Variants in SLCO1C1 observed in about 807,000 individuals in gnomAD.
The protein encoded by SLCO1C1 is OAT-RP-5.
A neutral mutation model predicts 76.4 loss-of-function variants in SLCO1C1; 70 were observed. The ratio of observed to expected loss-of-function variants is 0.92; its 90% CI spans 0.76 to 1.12. SLCO1C1 has a LOEUF of 1.12. Ranked by LOEUF, SLCO1C1 falls within the 50% of genes most tolerant of loss-of-function variation. The pLI is 0.00. For missense variants in SLCO1C1, 912 were observed against 823.8 expected (o/e 1.11, Z -1.31); for synonymous variants, 306 against 286.1 (o/e 1.07, Z -0.70).
At chr12:20,731,035 C>G in intron 9 of SLCO1C1, among the ~76,000 whole-genome samples, 1 of 152,122 alleles carries the variant, frequency 6.6e-6, no homozygotes. Flanking sequence ...TTGCCCCCAC[C>G]CCGGAGATGG....
chr12:20,717,936 A>G (rs1947466024), intron 7 of SLCO1C1, among the ~76,000 whole-genome samples: 1 of 151,994 alleles, frequency 6.6e-6, no homozygotes, highest in South Asian at 2.1e-4. Context: ...CTTAAACAAC[A>G]AACATGGAAT....
intron 10 of SLCO1C1, among the ~76,000 whole-genome samples, chr12:20,735,414 G>T (rs926129332): frequency 4.6e-5 from 7 of 152,288 alleles, no homozygotes; most frequent in Admixed American, 1.3e-4. Context: ...GATCTGCCAA[G>T]TAAGAGGTTG....
intron 5 of SLCO1C1, among the ~76,000 whole-genome samples, chr12:20,712,640 A>G (rs1342590582): frequency 6.6e-6 from 1 of 152,148 alleles, no homozygotes; most frequent in African/African-American, 2.4e-5. Context: ...AAATTAATAT[A>G]TACCTGCCAT....
intron 7 of SLCO1C1, among the ~76,000 whole-genome samples, chr12:20,718,025 A>G (rs1490635436): frequency 1.3e-5 from 2 of 152,188 alleles, no homozygotes; most frequent in Non-Finnish European, 2.9e-5. Context: ...TGAAGCTTCA[A>G]AAATGTTATT....
chr12:20,716,762 T>C (rs1947376775), intron 6 of SLCO1C1, among the ~76,000 whole-genome samples: 1 of 152,226 alleles, frequency 6.6e-6, no homozygotes, highest in Non-Finnish European at 1.5e-5. Context: ...ACAAGTCTTA[T>C]GCTTAACTGA....
intron 6 of SLCO1C1, among the ~76,000 whole-genome samples, chr12:20,716,439 T>C (rs1947363266): frequency 6.6e-6 from 1 of 152,146 alleles, no homozygotes. Context: ...TAACTTAATC[T>C]CCCATGAATA....
intron 5 of SLCO1C1, among the ~76,000 whole-genome samples, chr12:20,713,290 A>G (rs1947217613): frequency 6.6e-6 from 1 of 151,942 alleles, no homozygotes; most frequent in East Asian, 1.9e-4. Flanking sequence ...CTTGTTAGCC[A>G]GGATGGTCTC....
chr12:20,743,290 T>A lies in SLCO1C1; in HGVS notation c.1734-15T>A. ...GATTATATATTTCTTGTAATGGTGC[T>A]TTTGTTGATTTTAGGTGCATTAAGC... On this transcript the variant is annotated splice_polypyrimidine_tract_variant and intron_variant, in intron 12 of 14. Coordinates refer to ENST00000266509, the MANE Select transcript of SLCO1C1 (RefSeq NM_017435.5). 1 of 1,610,738 alleles carries A rather than the reference T, an allele frequency of 6.2e-7. No homozygotes were observed. Among genetic ancestry groups the A allele is most frequent in the Non-Finnish European group, 8.5e-7 (1 of 1,177,844 alleles).
intron 3 of SLCO1C1, among the ~76,000 whole-genome samples, chr12:20,703,955 C>T (rs201387734): frequency 7.1e-6 from 1 of 140,272 alleles, no homozygotes; most frequent in Non-Finnish European, 1.6e-5. Flanking sequence ...TCGAGTGTGT[C>T]TGTGTGTGTG....
At chr12:20,712,231 T>C (rs1241081834) in intron 5 of SLCO1C1, among the ~76,000 whole-genome samples, 1 of 152,182 alleles carries the variant, frequency 6.6e-6, no homozygotes, top group Non-Finnish European at 1.5e-5. Flanking sequence ...TGTCTAGTGT[T>C]CTAGATGGCT....
At chr12:20,747,298 C>T (rs1949091292) in intron 13 of SLCO1C1, among the ~76,000 whole-genome samples, 3 of 151,984 alleles carry the variant, frequency 2.0e-5, no homozygotes, top group Admixed American at 6.6e-5. Context: ...CATGGTGGTG[C>T]ATGCTTGTGG....
chr12:20,749,251 A>C (rs1270012505), intron 13 of SLCO1C1, among the ~76,000 whole-genome samples: 3 of 152,248 alleles, frequency 2.0e-5, no homozygotes, highest in Admixed American at 2.0e-4. Context: ...ATTTTATAAC[A>C]GAAGAAAACA....
chr12:20,723,147 G>A lies in SLCO1C1; in HGVS notation c.1079G>A (p.Cys360Tyr). The A allele has an allele frequency of 1.2e-6, 2 of 1,613,506 alleles. No homozygotes were observed. The highest frequency in any genetic ancestry group is 8.5e-7 in the Non-Finnish European group (1 of 1,179,800). Residue 360 changes from cysteine (C) to tyrosine (Y), a missense_variant, in exon 9 of 15, where the codon TGT (cysteine) becomes TAT (tyrosine). By Grantham distance (194) the Cys-to-Tyr change is radical. Coordinates refer to ENST00000266509, the MANE Select transcript of SLCO1C1 (RefSeq NM_017435.5). ...AACCCAGTATACTTCCTATATTTAT[G>A]TACAAGCACTGTTCAGTTCAATTCT... is the stretch of plus-strand genomic sequence containing the variant. ...FGNPVYFLYL[C>Y]TSTVQFNSLF...
At chr12:20,707,770 T>G (rs1190706478) in intron 4 of SLCO1C1, among the ~76,000 whole-genome samples, 2 of 152,072 alleles carry the variant, frequency 1.3e-5, no homozygotes, top group Non-Finnish European at 2.9e-5. Flanking sequence ...GATGAATAAT[T>G]TTATTACTTT....
chr12:20,722,158 C>G lies in SLCO1C1; in HGVS notation c.1021+109C>G, dbSNP rs1489609499. Reference sequence around the variant, plus strand: ...TTCGTGTATTAAAAAGTTGAGAAACCATATCAGAAGCAAAAATGGAAATTG... The same window carrying G: ...TTCGTGTATTAAAAAGTTGAGAAACGATATCAGAAGCAAAAATGGAAATTG... On this transcript the variant is annotated intron_variant, in intron 8 of 14. Transcript: ENST00000266509. 8 of 1,391,304 alleles carry G rather than the reference C, an allele frequency of 5.8e-6. No individual in the cohort carries two copies. In the East Asian group the frequency reaches 2.0e-4, roughly 34 times the overall value. The allele number at this position is 1,391,304 out of a possible 1,614,324, so 86.2% of individuals were successfully genotyped here.
At chr12:20,737,303 T>C (rs375621634) in intron 11 of SLCO1C1, 31 bp downstream of exon 11, 120 of 1,540,644 alleles carry the variant, frequency 7.8e-5, no homozygotes, top group Non-Finnish European at 1.0e-4. Flanking sequence ...TATATGGCGA[T>C]GGTCCTGTTA....
Position 20,711,488 on chromosome 12 carries a change from A to G in SLCO1C1, c.507A>G (p.Lys169=). The change falls in exon 5 of 15, where the codon AAA becomes AAG. Residue 169 remains lysine (K), a synonymous_variant. Transcript: ENST00000266509. ...AATTACCAGTTTCAGTTATGGAAAA[A>G]TCAAAATCCAAAATAAGTAACGGTA... The part of the protein sequence containing the change: ...SSQLPVSVME[K]SKSKISNECE... 1 of 1,613,748 alleles carries G rather than the reference A, an allele frequency of 6.2e-7. No homozygotes were observed. The highest frequency in any genetic ancestry group is 8.5e-7 in the Non-Finnish European group (1 of 1,179,886).
At chr12:20,719,319 C>A (rs1947536854) in intron 7 of SLCO1C1, among the ~76,000 whole-genome samples, 2 of 152,056 alleles carry the variant, frequency 1.3e-5, no homozygotes, top group African/African-American at 2.4e-5. Context: ...CCCTGAGACA[C>A]AATAATATTG....
chr12:20,736,979 A>G, intron 10 of SLCO1C1, 128 bp from the exon 11 acceptor site: 1 of 648,262 alleles, frequency 1.5e-6, no homozygotes, highest in Non-Finnish European at 2.3e-6. Flanking sequence ...TCTGATGACA[A>G]CTGTGTTTCT....
Sources: allele counts gnomAD v4.1 joint callset (sites outside exome capture counted in the v4.1 genomes callset), GRCh38; gene constraint gnomAD v4.1.1; transcripts MANE v1.5; gene names NCBI Gene and HGNC (gene_info 2026-07-23, HGNC 2026-07-21).